Variants in SRGAP1 observed in about 807,000 individuals in gnomAD.
The protein encoded by SRGAP1 is SLIT-ROBO Rho GTPase activating protein 1, also known as SLIT-ROBO Rho GTPase-activating protein 1.
SRGAP1 carries 43 observed loss-of-function variants against 121.9 expected under a neutral mutation model. That is an observed-to-expected ratio of 0.35 (90% CI 0.28 to 0.46). The LOEUF (loss-of-function observed/expected upper bound fraction) is 0.46. Ranked by LOEUF, SRGAP1 falls within the 20% of genes least tolerant of loss-of-function variation. The pLI is 1.00. For missense variants in SRGAP1, 1,102 were observed against 1,350.9 expected, an observed-to-expected ratio of 0.82 and a Z score of 2.89; for synonymous variants, 447 against 485.4, an observed-to-expected ratio of 0.92 and a Z score of 1.04.
chr12:64,072,149 G>GTGTGTGTGTGTGTGC (rs1159654414), intron 8 of SRGAP1, among the ~76,000 whole-genome samples: 1 of 18,400 alleles, frequency 5.4e-5, no homozygotes, highest in African/African-American at 1.1e-4. Flanking sequence ...TGTGTGTGTG[G>GTGTGTGTGTGTGTGC]GCGGCGGGGG....
chr12:63,876,070 A>G (rs1458538799), intron 1 of SRGAP1, among the ~76,000 whole-genome samples: 1 of 152,230 alleles, frequency 6.6e-6, no homozygotes, highest in Non-Finnish European at 1.5e-5. Context: ...GTTTATTTAC[A>G]TGAAACCAAC....
intron 3 of SRGAP1, among the ~76,000 whole-genome samples, chr12:64,010,073 G>A (rs1222103619): frequency 6.6e-6 from 1 of 152,136 alleles, no homozygotes; most frequent in Non-Finnish European, 1.5e-5. Context: ...TACTGTGGAA[G>A]TATGGCCTGA....
chr12:64,022,156 G>GGTGT (rs146646054), intron 4 of SRGAP1, among the ~76,000 whole-genome samples: 2 of 150,798 alleles, frequency 1.3e-5, no homozygotes, highest in East Asian at 1.9e-4. Context: ...CAACAGAATG[G>GGTGT]GTGTGTGTGT....
intron 21 of SRGAP1, 77 bp downstream of exon 21, chr12:64,128,277 T>G (rs1347395857): frequency 7.8e-7 from 1 of 1,286,972 alleles, no homozygotes; most frequent in African/African-American, 1.5e-5. Flanking sequence ...TTACTTTATT[T>G]ACTTTTTACT....
At chr12:64,136,713 C>CA (rs1275222846) in intron 21 of SRGAP1, among the ~76,000 whole-genome samples, 1 of 152,058 alleles carries the variant, frequency 6.6e-6, no homozygotes, top group East Asian at 1.9e-4. Flanking sequence ...CAGCAAAAAT[C>CA]AAAAAGGCTT....
At chr12:63,982,699 A>G (rs994006244) in intron 1 of SRGAP1, 2 of 152,240 alleles carry the variant, frequency 1.3e-5, no homozygotes, top group African/African-American at 4.8e-5. Context: ...AAATGCACGG[A>G]CACTGGGAAA....
intron 1 of SRGAP1, among the ~76,000 whole-genome samples, chr12:63,931,917 A>C (rs1421782492): frequency 6.6e-6 from 1 of 152,184 alleles, no homozygotes; most frequent in East Asian, 1.9e-4. Context: ...TTTTGAGTGC[A>C]CATAGAACGA....
intron 1 of SRGAP1, among the ~76,000 whole-genome samples, chr12:63,918,936 G>A (rs1295486775): frequency 6.6e-6 from 1 of 152,182 alleles, no homozygotes; most frequent in African/African-American, 2.4e-5. Flanking sequence ...CAGTGTGTAT[G>A]TATATATTCT....
chr12:64,088,251 T>C (rs184881597), intron 11 of SRGAP1, among the ~76,000 whole-genome samples: 33 of 152,314 alleles, frequency 2.2e-4, no homozygotes, highest in Admixed American at 1.8e-3. Context: ...TTTTCTTCAC[T>C]GTGTCAGTGA....
intron 21 of SRGAP1, among the ~76,000 whole-genome samples, chr12:64,137,952 T>TAAAAA (rs142595703): frequency 0.12 from 16,533 of 138,534 alleles, 1,245 homozygotes; most frequent in Non-Finnish European, 0.16. Context: ...TAATTGTGCT[T>TAAAAA]AAAAAAAAAA....
At chr12:63,849,844 ATCT>A (rs1200387159) in intron 1 of SRGAP1, among the ~76,000 whole-genome samples, 2 of 152,204 alleles carry the variant, frequency 1.3e-5, no homozygotes, top group Non-Finnish European at 2.9e-5. Context: ...AACCCAGGTT[ATCT>A]TCTTTTCAGT....
intron 1 of SRGAP1, among the ~76,000 whole-genome samples, chr12:63,856,125 G>T (rs1899239851): frequency 6.6e-6 from 1 of 152,102 alleles, no homozygotes; most frequent in South Asian, 2.1e-4. Flanking sequence ...GGGCATGGTG[G>T]CAGGCGCTGG....
rs1555177364 is a variant in SRGAP1, at chr12:64,137,961, A to ATAT, written c.2881-4334_2881-4333insTAT. ...CTTTCTTAATTGTGCTTAAAAAAAA[A>ATAT]ATATATATATATATATATATAAAAA... On this transcript the variant is annotated intron_variant, in intron 21 of 21. Transcript: ENST00000355086. Among the ~76,000 whole-genome samples the ATAT allele has an allele frequency of 4.1e-3, 577 of 139,672 alleles. 1 individual carries two copies. The highest frequency in any genetic ancestry group is 6.8e-3 in the East Asian group (33 of 4,856). The allele number at this position is 139,672 out of a possible 152,430, so 91.6% of individuals were successfully genotyped here. A position where few individuals can be genotyped will look rare whatever the true frequency, so the allele number is the denominator to read the frequency against.
At chr12:64,104,905 A>T (rs553220123) in intron 15 of SRGAP1, among the ~76,000 whole-genome samples, 14 of 147,924 alleles carry the variant, frequency 9.5e-5, no homozygotes, top group African/African-American at 3.7e-4. Flanking sequence ...AAAAATATAT[A>T]TATATATAAA....
In SRGAP1 at chr12:63,891,380, A is replaced by C. The variant is rs188040355; in HGVS notation, c.67+46497A>C. Among the ~76,000 whole-genome samples the C allele has an allele frequency of 2.2e-4, 34 of 152,144 alleles. 1 individual carries two copies. Among genetic ancestry groups the C allele is most frequent in the East Asian group, 1.7e-3 (9 of 5,174 alleles). On this transcript the variant is annotated intron_variant, in intron 1 of 21. Coordinates refer to ENST00000355086, the MANE Select transcript of SRGAP1 (RefSeq NM_020762.4). The stretch of plus-strand genomic sequence containing the variant: ...TACCGTTCTTTCCTACCATCTCCAC[A>C]CCATGCATTCATTAGTTCAGCCATT...
chr12:63,964,245 G>C (rs767107399), intron 1 of SRGAP1, among the ~76,000 whole-genome samples: 7 of 152,120 alleles, frequency 4.6e-5, no homozygotes, highest in Non-Finnish European at 7.4e-5. Flanking sequence ...CTACAAAATA[G>C]AATTGTGTCT....
chr12:64,147,845 G>C lies in SRGAP1; in HGVS notation c.*5173G>C, dbSNP rs1225641841. ...AAGATAGTTCTGGCTGCCTTTGTCT[G>C]CTTCCAGTTTGATGTGCATCTCTGT... is the stretch of plus-strand genomic sequence containing the variant. On this transcript the variant is annotated 3_prime_UTR_variant, in exon 22 of 22. Transcript: ENST00000355086. 2.5e-6 allele frequency: 1 copy of C among 395,606 alleles called. No individual in the cohort carries two copies. Among genetic ancestry groups the C allele is most frequent in the Non-Finnish European group, 4.4e-6 (1 of 224,872 alleles). The allele number at this position is 395,606 out of a possible 1,614,324, so 24.5% of individuals were successfully genotyped here.
At chr12:64,113,122 A>C (rs1406400167) in intron 17 of SRGAP1, among the ~76,000 whole-genome samples, 1 of 151,930 alleles carries the variant, frequency 6.6e-6, no homozygotes, top group African/African-American at 2.4e-5. Flanking sequence ...AGAAAAAAAA[A>C]AAAGGCTGGG....
At chr12:64,026,765 C>A (rs2034661452) in intron 4 of SRGAP1, among the ~76,000 whole-genome samples, 1 of 151,570 alleles carries the variant, frequency 6.6e-6, no homozygotes, top group Non-Finnish European at 1.5e-5. Context: ...ACTTGGAAGG[C>A]TGAGTCGGGA....
Sources: allele counts gnomAD v4.1 joint callset (sites outside exome capture counted in the v4.1 genomes callset), GRCh38; gene constraint gnomAD v4.1.1; transcripts MANE v1.5; gene names NCBI Gene and HGNC (gene_info 2026-07-23, HGNC 2026-07-21).